Variants in ADCY8 observed in about 807,000 individuals in gnomAD.
The protein encoded by ADCY8 is adenylate cyclase 8, also known as adenylate cyclase type 8.
In ADCY8, 51 loss-of-function variants were observed where a neutral mutation model predicts 119.7. The ratio of observed to expected loss-of-function variants is 0.43; its 90% confidence interval spans 0.34 to 0.54. ADCY8 has a LOEUF of 0.54. Ranked by LOEUF, ADCY8 falls within the 20% of genes least tolerant of loss-of-function variation. The probability of loss-of-function intolerance (pLI) is 0.03; values close to 1 mark genes in which losing one functional copy is unlikely to be tolerated. For missense variants in ADCY8, 1,383 were observed against 1,598.8 expected (o/e 0.87, Z 2.30); for synonymous variants, 665 against 651.0 (o/e 1.02, Z -0.33).
chr8:130,822,173 T>C (rs368212792), intron 12 of ADCY8, among the ~76,000 whole-genome samples: 1 of 152,150 alleles, frequency 6.6e-6, no homozygotes, highest in Non-Finnish European at 1.5e-5. Context: ...GATACATCCT[T>C]GTTGCCATAG....
intron 1 of ADCY8, chr8:130,990,787 C>T (rs955520111): frequency 9.1e-6 from 3 of 328,800 alleles, no homozygotes; most frequent in African/African-American, 2.1e-5. Context: ...AGACTGGAGT[C>T]TTCATGGGAA....
At chr8:130,849,352 TG>T (rs1428581831) in intron 10 of ADCY8, among the ~76,000 whole-genome samples, 3 of 152,198 alleles carry the variant, frequency 2.0e-5, no homozygotes, top group Non-Finnish European at 4.4e-5. Flanking sequence ...ATATGGAAAT[TG>T]AAGGGCTTTT....
intron 14 of ADCY8, among the ~76,000 whole-genome samples, chr8:130,803,655 A>T (rs1251099089): frequency 6.6e-6 from 1 of 152,320 alleles, no homozygotes; most frequent in Non-Finnish European, 1.5e-5. Flanking sequence ...TATGATAATT[A>T]TTCCCACTTT....
At chr8:131,001,470 G>A (rs1317336107) in intron 1 of ADCY8, among the ~76,000 whole-genome samples, 2 of 151,704 alleles carry the variant, frequency 1.3e-5, no homozygotes, top group Non-Finnish European at 2.9e-5. Context: ...TTTCTGATCT[G>A]ACCAATGGGA....
chr8:131,032,094 T>A (rs1824014644), intron 1 of ADCY8, among the ~76,000 whole-genome samples: 1 of 152,254 alleles, frequency 6.6e-6, no homozygotes, highest in Non-Finnish European at 1.5e-5. Flanking sequence ...GAAGTGGTTA[T>A]AGTTTTTTGT....
At chr8:130,832,215 TCTC>T (rs1398593261) in intron 12 of ADCY8, among the ~76,000 whole-genome samples, 3 of 152,086 alleles carry the variant, frequency 2.0e-5, no homozygotes, top group African/African-American at 4.8e-5. Context: ...TAAGGGTGCC[TCTC>T]CTGTTTTGGG....
At position 130,956,138 on chromosome 8, in the gene ADCY8, C is replaced by T. The variant is rs141311213; in HGVS notation, c.1111-4140G>A. On this transcript the variant is annotated intron_variant, in intron 2 of 17. Transcript: ENST00000286355. ...CCAGCCTGGTCAACAGAGAAAGACC[C>T]TGCCTCAAAAAAACAAACAAACAAA... Among the ~76,000 whole-genome samples, 1,174 of 152,126 alleles carry T rather than the reference C, an allele frequency of 7.7e-3. 20 individuals are homozygous for T. Among genetic ancestry groups the T allele is most frequent in the African/African-American group, 0.026 (1,087 of 41,396 alleles).
Position 130,821,470 on chromosome 8 carries a change from C to G in ADCY8, c.2676-50G>C, listed in dbSNP as rs768943774. On this transcript the variant is annotated intron_variant, in intron 12 of 17. Transcript: ENST00000286355. ...TAACCATGGGGGGACTTCAAGGAGA[C>G]CTATGAGAAAACTGAGGTTCAGAAA... 8 of 1,440,126 alleles carry G rather than the reference C, an allele frequency of 5.6e-6. No homozygotes were observed. The South Asian group carries it at 5.9e-5, about 11-fold the overall frequency. The allele number at this position is 1,440,126 out of a possible 1,614,324, so 89.2% of individuals were successfully genotyped here. A position where few individuals can be genotyped will look rare whatever the true frequency, so the allele number is the denominator to read the frequency against.
chr8:130,973,395 A>G (rs1406806981), intron 2 of ADCY8, among the ~76,000 whole-genome samples: 2 of 152,238 alleles, frequency 1.3e-5, no homozygotes, highest in African/African-American at 4.8e-5. Context: ...TTCTTTTGCA[A>G]TGCTTGGAAC....
At chr8:130,841,143 G>T (rs915905276) in intron 11 of ADCY8, among the ~76,000 whole-genome samples, 20 of 152,136 alleles carry the variant, frequency 1.3e-4, no homozygotes, top group African/African-American at 4.8e-4. Context: ...GTAAATCAGC[G>T]ATTAAGTTGG....
chr8:130,873,593 T>C (rs147853769), intron 8 of ADCY8, among the ~76,000 whole-genome samples: 1,718 of 152,314 alleles, frequency 0.011, 39 homozygotes, highest in African/African-American at 0.039. Flanking sequence ...GTGCTGGGCT[T>C]ACAGGCATGA....
chr8:131,031,520 C>T (rs1360914560), intron 1 of ADCY8, among the ~76,000 whole-genome samples: 3 of 152,128 alleles, frequency 2.0e-5, no homozygotes, highest in Admixed American at 6.5e-5. Context: ...ATATGCCCCT[C>T]ATAAAGCATG....
intron 1 of ADCY8, among the ~76,000 whole-genome samples, chr8:131,006,684 A>G (rs1204307870): frequency 2.8e-4 from 43 of 152,162 alleles, no homozygotes; most frequent in Non-Finnish European, 1.5e-5. Context: ...GTCACCAACA[A>G]TGCTGGGCAA....
chr8:130,849,950 A>T (rs1817463896), intron 9 of ADCY8, 147 bp from the exon 10 acceptor site: 1 of 824,428 alleles, frequency 1.2e-6, no homozygotes, highest in Non-Finnish European at 1.9e-6. Flanking sequence ...TTAGCAGGAG[A>T]GATTTTTAAA....
intron 2 of ADCY8, among the ~76,000 whole-genome samples, chr8:130,971,483 A>C (rs917449897): frequency 6.6e-6 from 1 of 152,174 alleles, no homozygotes; most frequent in African/African-American, 2.4e-5. Context: ...TGCTCATCAT[A>C]ATATCATTCA....
chr8:130,874,943 G>A (rs1818505912), intron 8 of ADCY8, among the ~76,000 whole-genome samples: 1 of 152,104 alleles, frequency 6.6e-6, no homozygotes, highest in African/African-American at 2.4e-5. Context: ...GGTTGTAGAT[G>A]ATAATGATGT....
At chr8:130,904,327 A>T (rs575551637) in intron 6 of ADCY8, among the ~76,000 whole-genome samples, 2 of 151,970 alleles carry the variant, frequency 1.3e-5, no homozygotes, top group East Asian at 3.9e-4. Flanking sequence ...TTTTCTTATG[A>T]TTGTCAGCCT....
rs1170692544 is a variant in ADCY8 at position 130,909,942 on chromosome 8, T to TTC, written c.1482-77_1482-76insGA. 36 of 960,360 alleles carry TTC rather than the reference T, an allele frequency of 3.7e-5. No individual in the cohort carries two copies. The African/African-American group carries it at 5.1e-4, about 14-fold the overall frequency. 59.5% of individuals were successfully genotyped at this position (960,360 alleles called of 1,614,324 possible). On this transcript the variant is annotated intron_variant, in intron 5 of 17. Transcript: ENST00000286355. ...TCGTTGGCTCTGCACTTTCTTTTCT[T>TTC]TTTTTTTTTTTTTGAGACGGAGTTT...
chr8:130,946,389 G>A (rs1821106554), intron 3 of ADCY8, among the ~76,000 whole-genome samples: 1 of 152,152 alleles, frequency 6.6e-6, no homozygotes, highest in Non-Finnish European at 1.5e-5. Context: ...TTATGCACCT[G>A]TATCTTTGTA....
Sources: allele counts gnomAD v4.1 joint callset (sites outside exome capture counted in the v4.1 genomes callset), GRCh38; gene constraint gnomAD v4.1.1; transcripts MANE v1.5; gene names NCBI Gene and HGNC (gene_info 2026-07-23, HGNC 2026-07-21).